Variants in IGF1R observed in about 807,000 individuals in gnomAD.
IGF1R encodes insulin-like growth factor 1 receptor.
In IGF1R, 44 loss-of-function variants were observed where a neutral mutation model predicts 144.6. That is an observed-to-expected ratio of 0.30 (90% CI 0.24 to 0.39). IGF1R has a LOEUF of 0.39. Among genes scored for constraint, IGF1R ranks in the 10% least tolerant of loss-of-function variants. The probability of loss-of-function intolerance (pLI) is 1.00; values close to 1 mark genes in which losing one functional copy is unlikely to be tolerated. For synonymous variants in IGF1R, 795 were observed against 722.8 expected (o/e 1.10, Z -1.60); for missense variants, 1,355 against 1,833.7 (o/e 0.74, Z 4.77).
At chr15:98,699,468 A>G (rs776398772) in intron 1 of IGF1R, among the ~76,000 whole-genome samples, 1 of 152,198 alleles carries the variant, frequency 6.6e-6, no homozygotes, top group Admixed American at 6.5e-5. Context: ...GCTTTGGGAT[A>G]TTTTAAGATG....
intron 2 of IGF1R, among the ~76,000 whole-genome samples, chr15:98,792,125 AC>A (rs2056141610): frequency 1.3e-5 from 2 of 152,214 alleles, no homozygotes; most frequent in African/African-American, 4.8e-5. Flanking sequence ...AGTCAGAATA[AC>A]TTTCCTAACA....
In IGF1R at chr15:98,786,733, TG is replaced by T. The variant is rs2056006920; in HGVS notation, c.640+78630del. ...CATAGGATTTTTTTTTAGAATAGTT[TG>T]GGGAGGACATTGTGCTCTGGCCAAT... On this transcript the variant is annotated intron_variant, in intron 2 of 20. Transcript: ENST00000650285. Among the ~76,000 whole-genome samples the T allele has an allele frequency of 1.3e-5, 2 of 152,150 alleles. 1 individual carries two copies. The highest frequency in any genetic ancestry group is 4.1e-4 in the South Asian group (2 of 4,824).
chr15:98,825,989 A>T (rs1346754176), intron 2 of IGF1R, among the ~76,000 whole-genome samples: 1 of 152,162 alleles, frequency 6.6e-6, no homozygotes, highest in Non-Finnish European at 1.5e-5. Flanking sequence ...CATACTTTTC[A>T]ATCAGAATGA....
At chr15:98,690,656 TAC>T (rs2053455043) in intron 1 of IGF1R, among the ~76,000 whole-genome samples, 1 of 152,220 alleles carries the variant, frequency 6.6e-6, no homozygotes, top group Admixed American at 6.5e-5. Flanking sequence ...ATTAGAACAA[TAC>T]ACAGTTACAG....
chr15:98,957,391 G>C lies in IGF1R; in HGVS notation c.4053G>C (p.Gly1351=). 6.2e-7 allele frequency: 1 copy of C among 1,613,340 alleles called. No homozygotes were observed. ...DERQPYAHMN[G]GRKNERALPL... ...GACAGCCTTACGCCCACATGAACGG[G>C]GGCCGCAAGAACGAGCGGGCCTTGC... is the stretch of plus-strand genomic sequence containing the variant. Residue 1351 remains glycine (G), a synonymous_variant, in exon 21 of 21, where the codon GGG becomes GGC. Coordinates refer to ENST00000650285, the MANE Select transcript of IGF1R (RefSeq NM_000875.5).
intron 2 of IGF1R, among the ~76,000 whole-genome samples, chr15:98,838,677 A>C (rs1000384427): frequency 6.6e-6 from 1 of 152,150 alleles, no homozygotes; most frequent in Non-Finnish European, 1.5e-5. Flanking sequence ...ATCTTGATTT[A>C]TTCCTAGATC....
intron 2 of IGF1R, among the ~76,000 whole-genome samples, chr15:98,858,414 C>T (rs1482733024): frequency 6.6e-6 from 1 of 152,210 alleles, no homozygotes; most frequent in Non-Finnish European, 1.5e-5. Flanking sequence ...GATCACAGTG[C>T]TCTGGGGAAA....
intron 1 of IGF1R, among the ~76,000 whole-genome samples, chr15:98,664,321 G>GTTATTGACCCTCTCTGCTCTCC: frequency 6.6e-6 from 1 of 152,086 alleles, no homozygotes. Flanking sequence ...ACCGGGGCAC[G>GTTATTGACCCTCTCTGCTCTCC]TTATTGACCC....
chr15:98,677,271 G>A (rs553747499), intron 1 of IGF1R, among the ~76,000 whole-genome samples: 1 of 152,282 alleles, frequency 6.6e-6, no homozygotes, highest in Non-Finnish European at 1.5e-5. Context: ...TTGGTTGTGT[G>A]TGAGGAAAGC....
At position 98,959,636 on chromosome 15, in the gene IGF1R, T is replaced by G. The variant is rs912199750; in HGVS notation, c.*2194T>G. The G allele has an allele frequency of 1.0e-4, 24 of 233,634 alleles. No individual in the cohort carries two copies. The highest frequency in any genetic ancestry group is 4.6e-4 in the African/African-American group (21 of 45,472). 14.5% of individuals were successfully genotyped at this position (233,634 alleles called of 1,614,324 possible). A position where few individuals can be genotyped will look rare whatever the true frequency, so the allele number is the denominator to read the frequency against. ...CCAGGTCCTTGGGGCCCAGGGGTCT[T>G]GTCTTGTTTCATTTTTAGCACTTCT... On this transcript the variant is annotated 3_prime_UTR_variant, in exon 21 of 21. Transcript: ENST00000650285.
intron 2 of IGF1R, among the ~76,000 whole-genome samples, chr15:98,780,409 A>G (rs1487210358): frequency 1.3e-5 from 2 of 151,762 alleles, no homozygotes; most frequent in East Asian, 3.9e-4. Flanking sequence ...AATTAGCCAC[A>G]GTGGTGGCGC....
chr15:98,861,008 ATTTT>A (rs552092086), intron 2 of IGF1R, among the ~76,000 whole-genome samples: 2 of 150,386 alleles, frequency 1.3e-5, no homozygotes, highest in South Asian at 2.1e-4. Flanking sequence ...CCTTTGCATG[ATTTT>A]TTTTTCTTTT....
rs942505201 is a variant in IGF1R at position 98,935,277 on chromosome 15, C to CG, written c.3187-39_3187-38insG. 1 of 1,247,658 alleles carries CG rather than the reference C, an allele frequency of 8.0e-7. No homozygotes were observed. The highest frequency in any genetic ancestry group is 2.9e-5 in the East Asian group (1 of 35,010). The allele number at this position is 1,247,658 out of a possible 1,614,324, so 77.3% of individuals were successfully genotyped here. A position where few individuals can be genotyped will look rare whatever the true frequency, so the allele number is the denominator to read the frequency against. ...ACAACACAGGCATCAGCAAGGGCCA[C>CG]CTGACCCTCTGAGTCTTTCTCTTTT... On this transcript the variant is annotated intron_variant, in intron 16 of 20. Transcript: ENST00000650285. The surrounding 1 kb of genome is among the most constrained non-coding windows in gnomAD (Gnocchi z 4.2).
intron 2 of IGF1R, among the ~76,000 whole-genome samples, chr15:98,736,921 A>G (rs2054624769): frequency 6.6e-6 from 1 of 151,990 alleles, no homozygotes; most frequent in Admixed American, 6.6e-5. Flanking sequence ...TGGTGGGAGT[A>G]TTTTCAAAGA....
At chr15:98,752,937 T>C (rs1306102795) in intron 2 of IGF1R, among the ~76,000 whole-genome samples, 2 of 20,158 alleles carry the variant, frequency 9.9e-5, no homozygotes, top group African/African-American at 1.5e-4. Flanking sequence ...ATACTATTTT[T>C]TTTTTTTTTT....
At chr15:98,884,691 A>G in intron 2 of IGF1R, among the ~76,000 whole-genome samples, 1 of 150,996 alleles carries the variant, frequency 6.6e-6, no homozygotes, top group East Asian at 1.9e-4. Context: ...CTCAAAAAAA[A>G]AAAAAAAAAA....
intron 2 of IGF1R, among the ~76,000 whole-genome samples, chr15:98,723,096 A>G (rs1465802049): frequency 6.6e-6 from 1 of 151,946 alleles, no homozygotes; most frequent in African/African-American, 2.4e-5. Context: ...TTTATGATAA[A>G]ATGTCAGCAA....
intron 2 of IGF1R, among the ~76,000 whole-genome samples, chr15:98,790,730 T>C (rs1289197333): frequency 1.3e-5 from 2 of 152,214 alleles, no homozygotes; most frequent in Non-Finnish European, 2.9e-5. Flanking sequence ...GCATTAGAAC[T>C]GAGTATGTAT....
In IGF1R at chr15:98,891,336, A is replaced by T. The variant is rs767622886; in HGVS notation, c.652A>T (p.Thr218Ser). ...TNRCQKMCPS[T>S]CGKRACTENN... is the part of the protein sequence containing the mutation. ...CTCTCTCTCCACAGTGTGCCCAAGC[A>T]CGTGTGGGAAGCGGGCGTGCACCGA... is the stretch of plus-strand genomic sequence containing the variant. The change falls in exon 3 of 21, where the codon ACG becomes TCG. Residue 218 changes from threonine to serine, a missense_variant. Transcript: ENST00000650285. The surrounding 1 kb of genome is among the most constrained non-coding windows in gnomAD (Gnocchi z 4.7). 8 of 1,605,964 alleles carry T rather than the reference A, an allele frequency of 5.0e-6. No homozygotes were observed. In the South Asian group the frequency reaches 7.7e-5, roughly 15 times the overall value.
Sources: gnomAD v4.1 joint callset for allele counts (sites outside exome capture counted in the v4.1 genomes callset) on GRCh38, gnomAD v4.1.1 for gene constraint, Gnocchi (gnomAD v3.1) non-coding constraint, MANE v1.5 for transcripts, NCBI Gene and HGNC (gene_info 2026-07-23, HGNC 2026-07-21) for gene names.